Variants in RAB10 observed in about 807,000 individuals in gnomAD.
The protein encoded by RAB10 is ras-related protein Rab-10.
Under a neutral mutation model 25.7 loss-of-function variants are expected in RAB10, and 5 were observed. The observed-to-expected ratio is 0.19, with a 90% CI of 0.10 to 0.41. The LOEUF is 0.41. Ranked by LOEUF, RAB10 falls within the 10% of genes least tolerant of loss-of-function variation. The pLI is 1.00. For missense variants in RAB10, 103 were observed against 245.8 expected (o/e 0.42, Z 3.89); for synonymous variants, 89 against 86.4 (o/e 1.03, Z -0.16).
intron 3 of RAB10, 80 bp downstream of exon 3, chr2:26,109,986 T>C: frequency 2.2e-6 from 3 of 1,346,092 alleles, no homozygotes; most frequent in Non-Finnish European, 3.0e-6. Flanking sequence ...TTCCAACTGA[T>C]CTTCAGGATA....
At chr2:26,071,338 T>A (rs1039578401) in intron 1 of RAB10, among the ~76,000 whole-genome samples, 1 of 152,192 alleles carries the variant, frequency 6.6e-6, no homozygotes, top group Non-Finnish European at 1.5e-5. Context: ...GCAGATACTG[T>A]CTTGAATGAA....
intron 1 of RAB10, among the ~76,000 whole-genome samples, chr2:26,051,112 A>G (rs1666123005): frequency 6.6e-6 from 1 of 151,480 alleles, no homozygotes; most frequent in African/African-American, 2.4e-5. Context: ...TAATTTTTAA[A>G]TTTTTTGTAG....
At chr2:26,039,690 A>G (rs1195390300) in intron 1 of RAB10, among the ~76,000 whole-genome samples, 3 of 151,912 alleles carry the variant, frequency 2.0e-5, no homozygotes, top group African/African-American at 7.3e-5. Context: ...TCATATCTAG[A>G]ATGTTACTTT....
At position 26,089,927 on chromosome 2, in the gene RAB10, C is replaced by A. The variant is rs1009567197; in HGVS notation, c.128-8735C>A. On this transcript the variant is annotated intron_variant, in intron 1 of 5. Coordinates refer to ENST00000264710, the MANE Select transcript of RAB10 (RefSeq NM_016131.5). Reference sequence around the variant, plus strand: ...TATTGTAGTTTACAGTTCGTTGTTACATTTGCCTAGATTTCAAGGCACTGT... The same window carrying A: ...TATTGTAGTTTACAGTTCGTTGTTAAATTTGCCTAGATTTCAAGGCACTGT... 1.2e-4 allele frequency among the ~76,000 whole-genome samples: 19 copies of A among 152,188 alleles called. 1 individual carries two copies. The South Asian group carries it at 4.0e-3, about 32-fold the overall frequency.
At chr2:26,099,008 A>G (rs1378737196) in intron 2 of RAB10, among the ~76,000 whole-genome samples, 4 of 152,260 alleles carry the variant, frequency 2.6e-5, no homozygotes, top group Admixed American at 6.5e-5. Flanking sequence ...ATGGATTGTT[A>G]CAAGGATTAC....
At chr2:26,112,243 CTTCTGGTGATTGAGTG>C (rs1667589106) in intron 3 of RAB10, among the ~76,000 whole-genome samples, 1 of 152,136 alleles carries the variant, frequency 6.6e-6, no homozygotes, top group Non-Finnish European at 1.5e-5. Flanking sequence ...AAATCATTGA[CTTCTGGTGATTGAGTG>C]TAATGTCTGT....
At chr2:26,066,223 C>A (rs1352971944) in intron 1 of RAB10, among the ~76,000 whole-genome samples, 2 of 151,862 alleles carry the variant, frequency 1.3e-5, no homozygotes. Flanking sequence ...GCTAGTGAAG[C>A]CAACATGAAC....
intron 1 of RAB10, among the ~76,000 whole-genome samples, chr2:26,046,729 G>A (rs886783118): frequency 6.6e-6 from 1 of 152,034 alleles, no homozygotes; most frequent in Non-Finnish European, 1.5e-5. Context: ...AGAATGCTGT[G>A]TTTCACATAC....
At chr2:26,055,805 T>A (rs1290278889) in intron 1 of RAB10, among the ~76,000 whole-genome samples, 1 of 152,182 alleles carries the variant, frequency 6.6e-6, no homozygotes, top group Non-Finnish European at 1.5e-5. Context: ...ATTACAGGTG[T>A]GAGCCACCAT....
intron 1 of RAB10, 134 bp from the exon 2 acceptor site, chr2:26,098,528 G>T: frequency 1.5e-6 from 1 of 673,516 alleles, no homozygotes; most frequent in Non-Finnish European, 2.6e-6. Context: ...GCTCAGTGTT[G>T]CATACTTGGT....
chr2:26,113,324 A>T (rs140852772), intron 3 of RAB10, among the ~76,000 whole-genome samples: 4,333 of 152,182 alleles, frequency 0.028, 199 homozygotes, highest in African/African-American at 0.1. Context: ...CGTAAATCCC[A>T]GCACTTTGGG....
intron 3 of RAB10, among the ~76,000 whole-genome samples, chr2:26,112,916 A>G (rs1374980583): frequency 6.6e-6 from 1 of 152,044 alleles, no homozygotes; most frequent in Non-Finnish European, 1.5e-5. Flanking sequence ...CCCTGTCTCT[A>G]TGAAAAACAC....
chr2:26,084,677 A>G (rs1000703784), intron 1 of RAB10, among the ~76,000 whole-genome samples: 47 of 151,698 alleles, frequency 3.1e-4, no homozygotes, highest in African/African-American at 1.1e-3. Context: ...GGAAGTTTAT[A>G]AGGTTCTATG....
chr2:26,106,231 A>C (rs771291667), intron 2 of RAB10, among the ~76,000 whole-genome samples: 3 of 152,240 alleles, frequency 2.0e-5, no homozygotes, highest in Non-Finnish European at 2.9e-5. Context: ...TTTTATGTAA[A>C]TATAGACAAG....
chr2:26,114,947 A>T (rs757712649), intron 3 of RAB10, among the ~76,000 whole-genome samples: 29 of 152,078 alleles, frequency 1.9e-4, no homozygotes, highest in Non-Finnish European at 3.5e-4. Flanking sequence ...TACATGTAAG[A>T]TCTAAAGCCA....
At chr2:26,108,417 C>T (rs1342784006) in intron 2 of RAB10, among the ~76,000 whole-genome samples, 1 of 152,066 alleles carries the variant, frequency 6.6e-6, no homozygotes, top group African/African-American at 2.4e-5. Context: ...AGGTAGCATA[C>T]TACATGATTC....
chr2:26,111,341 AC>A (rs1420007466), intron 3 of RAB10, among the ~76,000 whole-genome samples: 2 of 152,214 alleles, frequency 1.3e-5, no homozygotes, highest in Non-Finnish European at 2.9e-5. Context: ...GCGGTGGCTC[AC>A]GCCTGTAATC....
At chr2:26,104,056 C>T (rs887107216) in intron 2 of RAB10, among the ~76,000 whole-genome samples, 3 of 152,070 alleles carry the variant, frequency 2.0e-5, no homozygotes, top group Non-Finnish European at 2.9e-5. Flanking sequence ...TTCACGTCTA[C>T]GTTTTTGTGT....
chr2:26,133,378 ATGTATATGAAG>A (rs1312377797), intron 5 of RAB10, among the ~76,000 whole-genome samples: 1 of 152,214 alleles, frequency 6.6e-6, no homozygotes, highest in Admixed American at 6.5e-5. Flanking sequence ...CTATGGTTCC[ATGTATATGAAG>A]GTTAGGAATA....
Sources: gnomAD v4.1 joint callset for allele counts (sites outside exome capture counted in the v4.1 genomes callset) on GRCh38, gnomAD v4.1.1 for gene constraint, MANE v1.5 for transcripts, NCBI Gene and HGNC (gene_info 2026-07-23, HGNC 2026-07-21) for gene names.